The following MAP3K5 variants were observed in gnomAD, a reference collection of about 807,000 sequenced individuals.
MAP3K5 encodes mitogen-activated protein kinase kinase kinase 5.
Under a neutral mutation model 158.7 loss-of-function variants are expected in MAP3K5, and 56 were observed. That is an observed-to-expected ratio of 0.35 (90% confidence interval 0.28 to 0.44). The LOEUF (loss-of-function observed/expected upper bound fraction) is 0.44, where lower values mean the gene tolerates loss of function less well. MAP3K5 is among the 20% of genes least tolerant of loss of function. The pLI, the probability that MAP3K5 is intolerant of heterozygous loss-of-function variation, is 1.00. For synonymous variants in MAP3K5, 579 were observed against 601.7 expected (o/e 0.96, Z 0.55); for missense variants, 1,294 against 1,674.8 (o/e 0.77, Z 3.97).
At chr6:136,569,311 G>A (rs1029018945) in intron 25 of MAP3K5, among the ~76,000 whole-genome samples, 1 of 152,104 alleles carries the variant, frequency 6.6e-6, no homozygotes, top group African/African-American at 2.4e-5. Flanking sequence ...GTCTTTTCCT[G>A]ATCCATGAGA....
intron 1 of MAP3K5, among the ~76,000 whole-genome samples, chr6:136,772,691 T>G (rs1784255523): frequency 6.6e-6 from 1 of 152,222 alleles, no homozygotes; most frequent in Non-Finnish European, 1.5e-5. Flanking sequence ...CCACTGTAAG[T>G]TTACAAAGTA....
chr6:136,777,165 C>T (rs1483786701), intron 1 of MAP3K5, among the ~76,000 whole-genome samples: 1 of 152,230 alleles, frequency 6.6e-6, no homozygotes, highest in African/African-American at 2.4e-5. Context: ...ACCTTGTTCT[C>T]TTTCACTAGG....
intron 17 of MAP3K5, among the ~76,000 whole-genome samples, chr6:136,612,861 C>G (rs1776403820): frequency 1.3e-5 from 2 of 152,202 alleles, no homozygotes; most frequent in African/African-American, 4.8e-5. Context: ...CACCACAGAG[C>G]TCCTAGGAAA....
chr6:136,611,197 C>A, intron 18 of MAP3K5, 85 bp downstream of exon 18: 1 of 602,994 alleles, frequency 1.7e-6, no homozygotes, highest in Non-Finnish European at 3.0e-6. Context: ...AGAACACCAA[C>A]TGAATTTCTC....
chr6:136,774,956 T>C (rs932741055), intron 1 of MAP3K5, among the ~76,000 whole-genome samples: 5 of 152,332 alleles, frequency 3.3e-5, no homozygotes, highest in Admixed American at 3.3e-4. Context: ...CTTAGTCATA[T>C]CACGTATGAT....
intron 1 of MAP3K5, among the ~76,000 whole-genome samples, chr6:136,769,932 GAGAC>G (rs1784132092): frequency 6.6e-6 from 1 of 151,412 alleles, no homozygotes; most frequent in African/African-American, 2.4e-5. Context: ...AAGAGAAAAA[GAGAC>G]AGTGGGAGGA....
chr6:136,651,102 T>C lies in MAP3K5; in HGVS notation c.1681-11A>G, dbSNP rs753857633. ...TTCTAATATTAATACCTTGAAAAGA[T>C]ACGGCAAAGAAACTAATATCAGTGA... On this transcript the variant is annotated splice_polypyrimidine_tract_variant and intron_variant, in intron 10 of 29. Transcript: ENST00000359015. 2 of 1,442,202 alleles carry C rather than the reference T, an allele frequency of 1.4e-6. No individual in the cohort carries two copies. Among genetic ancestry groups the C allele is most frequent in the Non-Finnish European group, 9.7e-7 (1 of 1,029,808 alleles). The allele number at this position is 1,442,202 out of a possible 1,614,324, so 89.3% of individuals were successfully genotyped here.
intron 10 of MAP3K5, among the ~76,000 whole-genome samples, chr6:136,651,605 T>C (rs1229801589): frequency 1.3e-5 from 2 of 152,200 alleles, no homozygotes; most frequent in Non-Finnish European, 2.9e-5. Context: ...CTGAGTTTTA[T>C]ATACAAACCA....
At chr6:136,649,057 C>A (rs1251788860) in intron 11 of MAP3K5, among the ~76,000 whole-genome samples, 1 of 152,194 alleles carries the variant, frequency 6.6e-6, no homozygotes. Context: ...GCAACCTCTG[C>A]CTCCCGGGTT....
chr6:136,760,972 A>T (rs1031874361), intron 1 of MAP3K5, among the ~76,000 whole-genome samples: 2 of 152,128 alleles, frequency 1.3e-5, no homozygotes, highest in African/African-American at 4.8e-5. Flanking sequence ...CTGTCTCAAA[A>T]CAAAACGAAA....
intron 15 of MAP3K5, among the ~76,000 whole-genome samples, chr6:136,619,713 G>A (rs548590570): frequency 1.3e-5 from 2 of 152,348 alleles, no homozygotes; most frequent in Admixed American, 1.3e-4. Context: ...TGATTGCAGA[G>A]ACTAGAAGGG....
intron 7 of MAP3K5, among the ~76,000 whole-genome samples, chr6:136,678,811 C>T (rs760995319): frequency 2.6e-5 from 4 of 151,854 alleles, no homozygotes; most frequent in African/African-American, 4.8e-5. Flanking sequence ...CTGTAACCAC[C>T]GCCTCCCAGG....
At chr6:136,648,057 T>A (rs770723539) in intron 11 of MAP3K5, 20 of 152,222 alleles carry the variant, frequency 1.3e-4, no homozygotes, top group Non-Finnish European at 2.9e-4. Flanking sequence ...GCTGGGGCAA[T>A]GACTTCTTTC....
intron 1 of MAP3K5, among the ~76,000 whole-genome samples, chr6:136,726,500 C>G (rs1781972558): frequency 1.3e-5 from 2 of 151,862 alleles, no homozygotes; most frequent in African/African-American, 4.8e-5. Flanking sequence ...GGCTGAGGCA[C>G]AAGCATCACT....
intron 25 of MAP3K5, among the ~76,000 whole-genome samples, chr6:136,574,997 T>C (rs894658971): frequency 1.3e-5 from 2 of 151,368 alleles, no homozygotes; most frequent in African/African-American, 4.9e-5. Context: ...CCTAAACACT[T>C]TTTTTTTAAC....
intron 11 of MAP3K5, among the ~76,000 whole-genome samples, chr6:136,647,605 A>G (rs1005345379): frequency 2.0e-5 from 3 of 149,232 alleles, no homozygotes; most frequent in African/African-American, 7.4e-5. Flanking sequence ...ATCCTGCCCA[A>G]CCAATCATAT....
chr6:136,567,778 T>C lies in MAP3K5; in HGVS notation c.3614A>G (p.Gln1205Arg). Reference protein sequence around the residue: ...EDDHEEQPSNQTVRRPQAVIE... With the variant: ...EDDHEEQPSNRTVRRPQAVIE... ...GACAGCCTGAGGTCTTCGGACAGTT[T>C]GATTTGAAGGCTGTTCCTCATGGTC... Residue 1205 changes from glutamine to arginine, a missense_variant, in exon 26 of 30, where the codon CAA (glutamine) becomes CGA (arginine). By Grantham distance (43) the Gln-to-Arg change is conservative. Transcript: ENST00000359015. 1 of 1,614,154 alleles carries C rather than the reference T, an allele frequency of 6.2e-7. No individual in the cohort carries two copies. Among genetic ancestry groups the C allele is most frequent in the Non-Finnish European group, 8.5e-7 (1 of 1,180,028 alleles).
At chr6:136,642,807 A>AT (rs1408255920) in intron 11 of MAP3K5, among the ~76,000 whole-genome samples, 1 of 152,186 alleles carries the variant, frequency 6.6e-6, no homozygotes, top group Non-Finnish European at 1.5e-5. Flanking sequence ...AGCCTAGGAG[A>AT]ATTAGTCTCA....
At chr6:136,694,448 C>T (rs886356726) in intron 6 of MAP3K5, 138 bp from the exon 7 acceptor site, 1 of 658,968 alleles carries the variant, frequency 1.5e-6, no homozygotes, top group African/African-American at 1.8e-5. Flanking sequence ...TTTGAGAGTC[C>T]TCTGTAAACC....
Sources: gnomAD v4.1 joint callset for allele counts (sites outside exome capture counted in the v4.1 genomes callset) on GRCh38, gnomAD v4.1.1 for gene constraint, MANE v1.5 for transcripts, NCBI Gene and HGNC (gene_info 2026-07-23, HGNC 2026-07-21) for gene names.